FHIT: variants seen among roughly 807,000 people sequenced by gnomAD.
The protein encoded by FHIT is fragile histidine triad diadenosine triphosphatase, also known as bis(5'-adenosyl)-triphosphatase.
A neutral mutation model predicts 17.9 loss-of-function variants in FHIT; 19 were observed. That is an observed-to-expected ratio of 1.06 (90% CI 0.74 to 1.56). FHIT has a LOEUF of 1.56. Among genes scored for constraint, FHIT ranks in the 40% most tolerant of loss-of-function variants. The pLI is 0.00. For synonymous variants in FHIT, 81 were observed against 69.7 expected (o/e 1.16, Z -0.81); for missense variants, 248 against 189.2 (o/e 1.31, Z -1.82).
intron 4 of FHIT, among the ~76,000 whole-genome samples, chr3:60,643,322 A>G (rs2039773785): frequency 6.6e-6 from 1 of 152,100 alleles, no homozygotes; most frequent in African/African-American, 2.4e-5. Flanking sequence ...AAATGACCAT[A>G]TTTCCAAGAG....
chr3:59,976,323 G>C (rs577408194), intron 7 of FHIT, among the ~76,000 whole-genome samples: 1 of 152,096 alleles, frequency 6.6e-6, no homozygotes, highest in African/African-American at 2.4e-5. Context: ...AAAAATACCC[G>C]CTAAAGGAAG....
chr3:61,068,467 A>G (rs1228023554), intron 2 of FHIT, among the ~76,000 whole-genome samples: 2 of 152,152 alleles, frequency 1.3e-5, no homozygotes, highest in Non-Finnish European at 2.9e-5. Context: ...CTCTATCGCC[A>G]TATCTTTCTG....
At chr3:61,212,395 G>C (rs13086117) in intron 1 of FHIT, among the ~76,000 whole-genome samples, 2 of 152,022 alleles carry the variant, frequency 1.3e-5, no homozygotes, top group Admixed American at 6.5e-5. Context: ...TGGAAGAAAG[G>C]GTATCAATGA....
intron 5 of FHIT, among the ~76,000 whole-genome samples, chr3:60,366,122 A>T (rs1379479173): frequency 6.6e-6 from 1 of 152,174 alleles, no homozygotes; most frequent in Non-Finnish European, 1.5e-5. Context: ...AAATCCTACA[A>T]ATCACTTTCT....
chr3:59,861,425 G>GCA (rs1559673058), intron 8 of FHIT, among the ~76,000 whole-genome samples: 2 of 152,166 alleles, frequency 1.3e-5, no homozygotes, highest in Non-Finnish European at 2.9e-5. Flanking sequence ...TTTAAGGAAG[G>GCA]CAACACCTGA....
chr3:61,125,470 T>C (rs2036580424), intron 2 of FHIT, among the ~76,000 whole-genome samples: 1 of 152,196 alleles, frequency 6.6e-6, no homozygotes, highest in South Asian at 2.1e-4. Flanking sequence ...TTGTTCTCCA[T>C]AAAAAGTTCA....
At chr3:60,517,175 G>C (rs1056222279) in intron 5 of FHIT, among the ~76,000 whole-genome samples, 4 of 151,906 alleles carry the variant, frequency 2.6e-5, no homozygotes, top group Non-Finnish European at 5.9e-5. Context: ...GTTATTTTAG[G>C]GTTAAGTTAA....
intron 5 of FHIT, among the ~76,000 whole-genome samples, chr3:60,429,571 G>A (rs1412001915): frequency 6.6e-6 from 1 of 152,026 alleles, no homozygotes; most frequent in Non-Finnish European, 1.5e-5. Flanking sequence ...CAGGCAGCAG[G>A]TTTAACATGG....
chr3:60,503,169 A>G (rs1229013424), intron 5 of FHIT, among the ~76,000 whole-genome samples: 1 of 152,246 alleles, frequency 6.6e-6, no homozygotes, highest in African/African-American at 2.4e-5. Context: ...CATCAGTAAA[A>G]TAACTTTAAA....
intron 1 of FHIT, among the ~76,000 whole-genome samples, chr3:61,215,498 T>C (rs2106793369): frequency 6.6e-6 from 1 of 152,146 alleles, no homozygotes; most frequent in South Asian, 2.1e-4. Flanking sequence ...TAAAAGACGA[T>C]ACAAACAAAT....
At chr3:59,809,567 T>C (rs1201506581) in intron 8 of FHIT, among the ~76,000 whole-genome samples, 2 of 152,194 alleles carry the variant, frequency 1.3e-5, no homozygotes, top group East Asian at 1.9e-4. Flanking sequence ...ACAACCCTAT[T>C]TGAAACATGG....
At chr3:61,212,368 G>A (rs918540340) in intron 1 of FHIT, among the ~76,000 whole-genome samples, 11 of 152,288 alleles carry the variant, frequency 7.2e-5, no homozygotes, top group African/African-American at 2.4e-4. Flanking sequence ...GAAGCCTCAG[G>A]AGCCGATGCG....
rs140083542 is a variant in FHIT, at chr3:60,458,133, C to T, written c.103+78727G>A. On this transcript the variant is annotated intron_variant, in intron 5 of 9. Coordinates refer to ENST00000492590, the MANE Select transcript of FHIT (RefSeq NM_002012.4). ...ATGCTGCTATAAAGACACATGCACACGTATGTTTATTGCGGCACTACTCAC... is the reference window on the plus strand; with the variant it reads ...ATGCTGCTATAAAGACACATGCACATGTATGTTTATTGCGGCACTACTCAC... 1.8e-3 allele frequency among the ~76,000 whole-genome samples: 274 copies of T among 152,200 alleles called. 2 individuals carry two copies. Among genetic ancestry groups the T allele is most frequent in the African/African-American group, 5.9e-3 (244 of 41,542 alleles).
At chr3:60,568,893 A>G (rs959329606) in intron 4 of FHIT, among the ~76,000 whole-genome samples, 3 of 152,312 alleles carry the variant, frequency 2.0e-5, no homozygotes. Flanking sequence ...TCCTCTTGGA[A>G]AAGTCACCAT....
chr3:61,208,718 A>C (rs1275063547), intron 1 of FHIT, among the ~76,000 whole-genome samples: 1 of 151,664 alleles, frequency 6.6e-6, no homozygotes, highest in African/African-American at 2.4e-5. Context: ...GTCTCTGTAC[A>C]TGACATGGGT....
At chr3:60,115,429 TTAAC>T (rs1704912853) in intron 5 of FHIT, among the ~76,000 whole-genome samples, 1 of 152,168 alleles carries the variant, frequency 6.6e-6, no homozygotes, top group Non-Finnish European at 1.5e-5. Context: ...CTATATTCAA[TTAAC>T]TACGATTTTA....
chr3:60,703,643 T>C (rs1355011802), intron 4 of FHIT, among the ~76,000 whole-genome samples: 2 of 152,190 alleles, frequency 1.3e-5, no homozygotes, highest in African/African-American at 2.4e-5. Flanking sequence ...AGTTTTGATA[T>C]AACATTTTGC....
intron 5 of FHIT, among the ~76,000 whole-genome samples, chr3:60,135,731 A>T (rs964068536): frequency 6.6e-6 from 1 of 152,066 alleles, no homozygotes; most frequent in Non-Finnish European, 1.5e-5. Flanking sequence ...CATAGCAGAG[A>T]CTCCAATACC....
chr3:59,992,070 G>T (rs1699297981), intron 7 of FHIT, among the ~76,000 whole-genome samples: 1 of 152,002 alleles, frequency 6.6e-6, no homozygotes, highest in Non-Finnish European at 1.5e-5. Flanking sequence ...CGAAACAGAG[G>T]AAGAAAACAA....
Sources: allele counts gnomAD v4.1 joint callset (sites outside exome capture counted in the v4.1 genomes callset), GRCh38; gene constraint gnomAD v4.1.1; transcripts MANE v1.5; gene names NCBI Gene and HGNC (gene_info 2026-07-23, HGNC 2026-07-21).